The following CCBE1 variants were observed in gnomAD, a reference collection of about 807,000 sequenced individuals.
CCBE1 encodes the protein collagen and calcium binding EGF domains 1.
Under a neutral mutation model 50.0 loss-of-function variants are expected in CCBE1, and 37 were observed. That is an observed-to-expected ratio of 0.74 (90% CI 0.57 to 0.97). The LOEUF (loss-of-function observed/expected upper bound fraction) is 0.97. CCBE1 is among the 50% of genes least tolerant of loss of function. CCBE1 has a pLI of 0.00. For missense variants in CCBE1, 538 were observed against 523.8 expected (o/e 1.03, Z -0.26); for synonymous variants, 234 against 203.7 (o/e 1.15, Z -1.27).
chr18:59,541,560 G>A (rs1915466112), intron 2 of CCBE1, among the ~76,000 whole-genome samples: 1 of 152,080 alleles, frequency 6.6e-6, no homozygotes, highest in Non-Finnish European at 1.5e-5. Flanking sequence ...AGAAAAGGGG[G>A]GTATAGTTCT....
At chr18:59,516,352 C>T (rs1327201394) in intron 2 of CCBE1, among the ~76,000 whole-genome samples, 1 of 152,048 alleles carries the variant, frequency 6.6e-6, no homozygotes, top group Admixed American at 6.6e-5. Flanking sequence ...AAGACCTCTA[C>T]TTTTTCTTCC....
At chr18:59,580,680 G>A (rs955806296) in intron 2 of CCBE1, among the ~76,000 whole-genome samples, 1 of 152,224 alleles carries the variant, frequency 6.6e-6, no homozygotes, top group South Asian at 2.1e-4. Context: ...GTGTCTGGAC[G>A]AGGGTGGGGG....
chr18:59,595,354 C>T (rs1393315692), intron 2 of CCBE1, among the ~76,000 whole-genome samples: 1 of 151,896 alleles, frequency 6.6e-6, no homozygotes, highest in Non-Finnish European at 1.5e-5. Context: ...CTCTGGCCTT[C>T]GATAACAGGC....
intron 2 of CCBE1, among the ~76,000 whole-genome samples, chr18:59,655,644 C>T (rs8098307): frequency 0.76 from 115,251 of 152,082 alleles, 44,413 homozygotes; most frequent in East Asian, 0.99. Flanking sequence ...TAAAACTTTA[C>T]TTACAAGAAT....
chr18:59,459,189 A>G (rs942861190), intron 5 of CCBE1: 2 of 152,208 alleles, frequency 1.3e-5, no homozygotes, highest in Non-Finnish European at 2.9e-5. Flanking sequence ...TCAGTTCTCT[A>G]CAAAATCAGA....
rs544313443 is a variant in CCBE1 at position 59,472,372 on chromosome 18, T to C, written c.266-2765A>G. ...TTAGCAATTCTTCATATTAATTGCT[T>C]TCTGTTAAATAAGTGGTGAAGGCTC... On this transcript the variant is annotated intron_variant, in intron 3 of 10. Coordinates refer to ENST00000439986, the MANE Select transcript of CCBE1 (RefSeq NM_133459.4). Among the ~76,000 whole-genome samples the C allele has an allele frequency of 7.9e-4, 121 of 152,348 alleles. 1 individual carries two copies. The highest frequency in any genetic ancestry group is 2.5e-3 in the African/African-American group (104 of 41,576).
At chr18:59,560,668 T>C (rs1394729312) in intron 2 of CCBE1, among the ~76,000 whole-genome samples, 1 of 152,182 alleles carries the variant, frequency 6.6e-6, no homozygotes, top group South Asian at 2.1e-4. Context: ...GGTGTGTTCA[T>C]GAGTAACCAC....
rs144352701 is a variant in CCBE1, at chr18:59,501,033, G to A, written c.213-20795C>T. Reference sequence around the variant, plus strand: ...GGAGTGTCAGACAGTGCAAGAATCTGCCAAGGTCATAAGGTGAAGATGGGT... The same window carrying A: ...GGAGTGTCAGACAGTGCAAGAATCTACCAAGGTCATAAGGTGAAGATGGGT... On this transcript the variant is annotated intron_variant, in intron 2 of 10. Coordinates refer to ENST00000439986, the MANE Select transcript of CCBE1 (RefSeq NM_133459.4). 2.6e-5 allele frequency among the ~76,000 whole-genome samples: 4 copies of A among 152,332 alleles called. No individual in the cohort carries two copies. The East Asian group carries it at 7.7e-4, about 29-fold the overall frequency.
intron 2 of CCBE1, among the ~76,000 whole-genome samples, chr18:59,514,214 G>A (rs892815270): frequency 1.3e-5 from 2 of 152,074 alleles, no homozygotes; most frequent in Non-Finnish European, 2.9e-5. Context: ...CCATATTACC[G>A]ATACGAAAAT....
At chr18:59,618,532 T>G (rs1185099887) in intron 2 of CCBE1, among the ~76,000 whole-genome samples, 1 of 151,948 alleles carries the variant, frequency 6.6e-6, no homozygotes, top group Non-Finnish European at 1.5e-5. Context: ...TCTCTCAGGT[T>G]CAAGAGATTC....
At chr18:59,473,584 C>T (rs72483037) in intron 3 of CCBE1, among the ~76,000 whole-genome samples, 10 of 200 alleles carry the variant, frequency 0.05, no homozygotes, top group South Asian at 0.17. Flanking sequence ...CTTTTTTTTT[C>T]CCTATTGTTA....
At chr18:59,502,034 A>T (rs1598957389) in intron 2 of CCBE1, among the ~76,000 whole-genome samples, 1 of 152,172 alleles carries the variant, frequency 6.6e-6, no homozygotes, top group African/African-American at 2.4e-5. Context: ...CCTGAACTCA[A>T]GTGATCCTCC....
chr18:59,684,518 G>A (rs1038792392), intron 2 of CCBE1, among the ~76,000 whole-genome samples: 3 of 152,174 alleles, frequency 2.0e-5, no homozygotes, highest in African/African-American at 7.2e-5. Context: ...AGCAAGCTCT[G>A]AAATGTATTA....
chr18:59,469,663 G>A (rs1911934442), intron 3 of CCBE1, 56 bp from the exon 4 acceptor site: 2 of 1,611,206 alleles, frequency 1.2e-6, no homozygotes, highest in East Asian at 4.5e-5. Context: ...GAGTAACCTG[G>A]CCCTGGCCTG....
chr18:59,568,479 A>C (rs2052861917), intron 2 of CCBE1: 2 of 152,184 alleles, frequency 1.3e-5, no homozygotes, highest in African/African-American at 4.8e-5. Flanking sequence ...AGAAGAAACC[A>C]ATGGACTATT....
intron 2 of CCBE1, among the ~76,000 whole-genome samples, chr18:59,618,366 G>A (rs1271786578): frequency 6.6e-6 from 1 of 151,604 alleles, no homozygotes; most frequent in African/African-American, 2.4e-5. Flanking sequence ...AAAATGTAGA[G>A]TAGCCAACTC....
rs576137204 is a variant in CCBE1 at position 59,589,323 on chromosome 18, T to G, written c.212+107306A>C. Reference sequence around the variant, plus strand: ...TACATAATAAATAGAGAAAGTTACCTCTTACAAAAGCAACAGGCCCATATG... The same window carrying G: ...TACATAATAAATAGAGAAAGTTACCGCTTACAAAAGCAACAGGCCCATATG... On this transcript the variant is annotated intron_variant, in intron 2 of 10. Transcript: ENST00000439986. Among the ~76,000 whole-genome samples the G allele has an allele frequency of 2.6e-5, 4 of 152,282 alleles. No individual in the cohort carries two copies. The East Asian group carries it at 7.7e-4, about 29-fold the overall frequency.
At position 59,434,135 on chromosome 18, in the gene CCBE1, G is replaced by A. The variant is rs929888655; in HGVS notation, c.*1773C>T. On this transcript the variant is annotated 3_prime_UTR_variant, in exon 11 of 11. Coordinates refer to ENST00000439986, the MANE Select transcript of CCBE1 (RefSeq NM_133459.4). ...GATCTCCTGACCTTGTGATCTCCCCGCCTCAGCCTCCCAAAGTGCTGGGAT... is the reference window on the plus strand; with the variant it reads ...GATCTCCTGACCTTGTGATCTCCCCACCTCAGCCTCCCAAAGTGCTGGGAT... 4.6e-5 allele frequency: 7 copies of A among 152,058 alleles called. No individual in the cohort carries two copies. Among genetic ancestry groups the A allele is most frequent in the Non-Finnish European group, 8.8e-5 (6 of 68,056 alleles). 9.4% of individuals were successfully genotyped at this position (152,058 alleles called of 1,614,324 possible).
chr18:59,530,049 T>C (rs1050910833), intron 2 of CCBE1, among the ~76,000 whole-genome samples: 6 of 152,210 alleles, frequency 3.9e-5, no homozygotes, highest in Admixed American at 3.3e-4. Flanking sequence ...TCTGCATTTC[T>C]ATGACGTTCC....
Sources: gnomAD v4.1 joint callset for allele counts (sites outside exome capture counted in the v4.1 genomes callset) on GRCh38, gnomAD v4.1.1 for gene constraint, MANE v1.5 for transcripts, NCBI Gene and HGNC (gene_info 2026-07-23, HGNC 2026-07-21) for gene names.